The following SLC14A2 variants were observed in gnomAD, a reference collection of about 807,000 sequenced individuals.
SLC14A2 encodes urea transporter 2.
Under a neutral mutation model 104.6 loss-of-function variants are expected in SLC14A2, and 91 were observed. The observed-to-expected ratio is 0.87, with a 90% CI of 0.73 to 1.04. The LOEUF is 1.04. SLC14A2 is among the 50% of genes least tolerant of loss of function. The pLI, the probability that SLC14A2 is intolerant of heterozygous loss-of-function variation, is 0.00. For missense variants in SLC14A2, 1,189 were observed against 1,156.0 expected (o/e 1.03, Z -0.41); for synonymous variants, 476 against 466.4 (o/e 1.02, Z -0.27).
intron 2 of SLC14A2, among the ~76,000 whole-genome samples, chr18:45,543,842 C>T (rs1227383951): frequency 6.6e-6 from 1 of 152,212 alleles, no homozygotes; most frequent in Non-Finnish European, 1.5e-5. Context: ...AAGAGTGGCT[C>T]ATTGTGCCTA....
At chr18:45,279,774 G>A (rs1182584679) in intron 1 of SLC14A2, among the ~76,000 whole-genome samples, 1 of 152,072 alleles carries the variant, frequency 6.6e-6, no homozygotes, top group African/African-American at 2.4e-5. Flanking sequence ...ACCATCCAAG[G>A]CTCACATACA....
At chr18:45,372,665 T>C (rs1053119362) in intron 1 of SLC14A2, among the ~76,000 whole-genome samples, 4 of 152,158 alleles carry the variant, frequency 2.6e-5, no homozygotes, top group African/African-American at 9.7e-5. Context: ...AGATTCTGCA[T>C]TCCCAACAAG....
rs1464080308 is a variant in SLC14A2, at chr18:45,576,686, T to TC, written c.-34-47943dup. 2.0e-5 allele frequency among the ~76,000 whole-genome samples: 3 copies of TC among 152,140 alleles called. 1 individual carries two copies. The highest frequency in any genetic ancestry group is 2.0e-4 in the Admixed American group (3 of 15,274). The stretch of plus-strand genomic sequence containing the variant: ...CTGTCTCTGTGGTCTCTCCATGTGG[T>TC]CCTTCCAGCCTGGCAGACTTCCTAC... On this transcript the variant is annotated intron_variant, in intron 2 of 20. Coordinates refer to the SLC14A2 transcript ENST00000586448.
In SLC14A2 at chr18:45,542,060, T is replaced by G. The variant is rs996793940; in HGVS notation, c.-35+58738T>G. On this transcript the variant is annotated intron_variant, in intron 2 of 20. Coordinates refer to the SLC14A2 transcript ENST00000586448. The stretch of plus-strand genomic sequence containing the variant: ...GTTTTTTTTTTTTTTTTTTTTTTTT[T>G]TTTTTTTTTTTTGCTTTTGAGTTTC... Among the ~76,000 whole-genome samples the G allele has an allele frequency of 4.1e-4, 58 of 142,200 alleles. 2 individuals are homozygous for G. Among genetic ancestry groups the G allele is most frequent in the African/African-American group, 1.2e-3 (46 of 38,622 alleles). The allele number at this position is 142,200 out of a possible 152,430, so 93.3% of individuals were successfully genotyped here.
intron 18 of SLC14A2, among the ~76,000 whole-genome samples, chr18:45,677,366 C>T (rs187997173): frequency 1.3e-3 from 201 of 152,272 alleles, no homozygotes; most frequent in African/African-American, 4.6e-3. Flanking sequence ...CATCTGGCTC[C>T]CCTCTATTCG....
At chr18:45,361,588 G>A (rs1219299279) in intron 1 of SLC14A2, among the ~76,000 whole-genome samples, 1 of 152,162 alleles carries the variant, frequency 6.6e-6, no homozygotes, top group East Asian at 1.9e-4. Flanking sequence ...AAACCACTTT[G>A]TTGTATGCAG....
intron 10 of SLC14A2, among the ~76,000 whole-genome samples, chr18:45,658,773 C>T (rs1457041102): frequency 6.6e-6 from 1 of 152,062 alleles, no homozygotes; most frequent in African/African-American, 2.4e-5. Context: ...CCAGTGGGCA[C>T]TTCTATGAAA....
At chr18:45,654,680 C>T (rs774129592) in intron 10 of SLC14A2, among the ~76,000 whole-genome samples, 6 of 152,120 alleles carry the variant, frequency 3.9e-5, no homozygotes, top group Admixed American at 2.0e-4. Flanking sequence ...GAGGAAACCA[C>T]GGCTTGTACA....
chr18:45,595,637 T>G (rs2044709863), intron 2 of SLC14A2, among the ~76,000 whole-genome samples: 1 of 152,188 alleles, frequency 6.6e-6, no homozygotes, highest in Admixed American at 6.5e-5. Flanking sequence ...GATTCTCCTT[T>G]CCATGTGTGC....
chr18:45,346,252 T>G (rs2085446841), intron 1 of SLC14A2, among the ~76,000 whole-genome samples: 1 of 152,042 alleles, frequency 6.6e-6, no homozygotes, highest in African/African-American at 2.4e-5. Flanking sequence ...GCCTCCCAGG[T>G]TCAAGCAATT....
the SLC14A2 span, among the ~76,000 whole-genome samples, chr18:45,170,861 C>T: frequency 1.3e-5 from 2 of 152,144 alleles, no homozygotes; most frequent in Admixed American, 6.6e-5. Context: ...AGGAGTCCCA[C>T]AGGAATCTAC....
intron 2 of SLC14A2, among the ~76,000 whole-genome samples, chr18:45,513,354 A>G (rs1047292428): frequency 2.0e-5 from 3 of 152,336 alleles, no homozygotes. Context: ...TTTAAGCCTT[A>G]TCGCCCAATA....
chr18:45,475,648 T>TTTAGG (rs1568227873), intron 1 of SLC14A2, among the ~76,000 whole-genome samples: 79 of 11,996 alleles, frequency 6.6e-3, no homozygotes, highest in East Asian at 0.029. Context: ...TTAGGATATA[T>TTTAGG]ATATATATAT....
chr18:45,651,666 CT>C (rs2045739364), intron 10 of SLC14A2, among the ~76,000 whole-genome samples: 1 of 152,174 alleles, frequency 6.6e-6, no homozygotes, highest in Non-Finnish European at 1.5e-5. Flanking sequence ...CGGATTACCA[CT>C]GCGGCCTCTC....
intron 1 of SLC14A2, among the ~76,000 whole-genome samples, chr18:45,422,040 C>T (rs1329823840): frequency 6.6e-6 from 1 of 152,126 alleles, no homozygotes; most frequent in Non-Finnish European, 1.5e-5. Flanking sequence ...ATAGCAAGTA[C>T]AACATGGAGA....
intron 2 of SLC14A2, among the ~76,000 whole-genome samples, chr18:45,512,282 G>C (rs1427661900): frequency 6.6e-6 from 1 of 152,102 alleles, no homozygotes; most frequent in Non-Finnish European, 1.5e-5. Context: ...TTCAGATATA[G>C]CTCAGGAATT....
chr18:45,213,607 A>C (rs1055490506), intron 1 of SLC14A2, among the ~76,000 whole-genome samples: 3 of 152,186 alleles, frequency 2.0e-5, no homozygotes, highest in African/African-American at 7.2e-5. Flanking sequence ...ATCCCATTCA[A>C]AACGTTAAAG....
chr18:45,667,033 G>A lies in SLC14A2; in HGVS notation c.1656G>A (p.Arg552=). 2 of 1,613,948 alleles carry A rather than the reference G, an allele frequency of 1.2e-6. No individual in the cohort carries two copies. The highest frequency in any genetic ancestry group is 1.1e-5 in the South Asian group (1 of 91,072). Residue 552 remains arginine, a synonymous_variant, in exon 13 of 20, where the codon AGG becomes AGA. Transcript: ENST00000255226. ...IRSSMAASGK[R]VSKALSYITG... is the part of the protein sequence containing the mutation. The stretch of plus-strand genomic sequence containing the variant: ...GTTCCATGGCTGCCAGTGGGAAAAG[G>A]GTCAGCAAAGCCCTCAGCTACATCA...
chr18:45,603,356 G>A (rs1321472682), intron 2 of SLC14A2, among the ~76,000 whole-genome samples: 1 of 151,964 alleles, frequency 6.6e-6, no homozygotes, highest in African/African-American at 2.4e-5. Flanking sequence ...CCAGAGAGTG[G>A]TCTGATCTTT....
Sources: allele counts gnomAD v4.1 joint callset (sites outside exome capture counted in the v4.1 genomes callset), GRCh38; gene constraint gnomAD v4.1.1; transcripts MANE v1.5; gene names NCBI Gene and HGNC (gene_info 2026-07-23, HGNC 2026-07-21).